The following SPATA13 variants were observed in gnomAD, a reference collection of about 807,000 sequenced individuals.
SPATA13 encodes spermatogenesis associated 13.
A neutral mutation model predicts 104.0 loss-of-function variants in SPATA13; 50 were observed. The observed-to-expected ratio is 0.48, with a 90% confidence interval of 0.38 to 0.61. The LOEUF is 0.61. Among genes scored for constraint, SPATA13 ranks in the 20% least tolerant of loss-of-function variants. The pLI is 0.00. For missense variants in SPATA13, 1,524 were observed against 1,690.6 expected, an observed-to-expected ratio of 0.90 and a Z score of 1.73; for synonymous variants, 606 against 667.5, an observed-to-expected ratio of 0.91 and a Z score of 1.42.
chr13:23,998,927 G>GATTTTTTTTTTTTTTTTTTTTT (rs144157914), intron 2 of SPATA13, among the ~76,000 whole-genome samples: 1 of 145,816 alleles, frequency 6.9e-6, no homozygotes, highest in Admixed American at 6.8e-5. Flanking sequence ...CACTAACTTT[G>GATTTTTTTTTTTTTTTTTTTTT]GTTTTTTTTT....
At position 24,277,401 on chromosome 13, in the gene SPATA13, G is replaced by A. The variant is rs941117933; in HGVS notation, c.2165-6734G>A. Among the ~76,000 whole-genome samples, 10 of 140,944 alleles carry A rather than the reference G, an allele frequency of 7.1e-5. No homozygotes were observed. The Admixed American group carries it at 7.7e-4, about 11-fold the overall frequency. The allele number at this position is 140,944 out of a possible 152,430, so 92.5% of individuals were successfully genotyped here. On this transcript the variant is annotated intron_variant, in intron 4 of 12. Transcript: ENST00000382108. ...GGAGCTTGCAGTGACCCGAGATCGC[G>A]CCATTGCACTCCAGCCTGGGCAACA...
At chr13:24,151,616 T>A (rs1882101878) in intron 3 of SPATA13, among the ~76,000 whole-genome samples, 1 of 152,150 alleles carries the variant, frequency 6.6e-6, no homozygotes, top group Non-Finnish European at 1.5e-5. Context: ...TTTTTTTCCT[T>A]TTTTTTAAGA....
chr13:24,075,892 G>T (rs1324558268), intron 3 of SPATA13, among the ~76,000 whole-genome samples: 1 of 152,150 alleles, frequency 6.6e-6, no homozygotes, highest in Non-Finnish European at 1.5e-5. Context: ...GGAGAAGAGA[G>T]ATTTCTATAG....
At chr13:24,155,551 A>G (rs1216483742) in intron 3 of SPATA13, among the ~76,000 whole-genome samples, 2 of 152,158 alleles carry the variant, frequency 1.3e-5, no homozygotes, top group African/African-American at 4.8e-5. Context: ...GATGGAGTGG[A>G]AGCTTACAGG....
At chr13:24,227,378 A>G (rs1872003946) in intron 2 of SPATA13, among the ~76,000 whole-genome samples, 2 of 152,150 alleles carry the variant, frequency 1.3e-5, no homozygotes, top group Non-Finnish European at 2.9e-5. Context: ...TGACCATTTT[A>G]TGGTTTTATA....
In SPATA13 at chr13:24,238,065, T is replaced by G. The variant is rs3927452; in HGVS notation, c.1654-11412T>G. On this transcript the variant is annotated intron_variant, in intron 2 of 12. Transcript: ENST00000382108. Reference sequence around the variant, plus strand: ...GATGTGCTGTAGGTTAAGGGCATGTTTCAAATGCTGGTATCATGGTTGATA... The same window carrying G: ...GATGTGCTGTAGGTTAAGGGCATGTGTCAAATGCTGGTATCATGGTTGATA... Among the ~76,000 whole-genome samples, 369 of 148,968 alleles carry G rather than the reference T, an allele frequency of 2.5e-3. 1 individual carries two copies. Among genetic ancestry groups the G allele is most frequent in the African/African-American group, 7.8e-3 (321 of 40,948 alleles).
At chr13:24,053,514 A>G (rs1015205955) in intron 3 of SPATA13, among the ~76,000 whole-genome samples, 2 of 152,190 alleles carry the variant, frequency 1.3e-5, no homozygotes, top group Non-Finnish European at 2.9e-5. Context: ...TTACCTGGCT[A>G]GAAGTGGGGA....
chr13:24,198,057 A>G (rs1593408403), intron 1 of SPATA13, among the ~76,000 whole-genome samples: 2 of 152,030 alleles, frequency 1.3e-5, no homozygotes, highest in South Asian at 4.1e-4. Context: ...GTGCAGTGGC[A>G]TGATCTCTGC....
chr13:24,223,863 A>G lies in SPATA13; in HGVS notation c.934A>G (p.Ile312Val), dbSNP rs1871762084. 3 of 1,551,726 alleles carry G rather than the reference A, an allele frequency of 1.9e-6. No homozygotes were observed. The highest frequency in any genetic ancestry group is 2.6e-6 in the Non-Finnish European group (3 of 1,147,002). Residue 312 changes from isoleucine (I) to valine (V), a missense_variant, in exon 2 of 13, where the codon ATA becomes GTA. Ile to Val is a conservative substitution (Grantham distance 29). Coordinates refer to ENST00000382108, the MANE Select transcript of SPATA13 (RefSeq NM_001166271.3). ...SGRTKRWRSPIRAKDFDRVFK... is the reference protein window; with the variant it reads ...SGRTKRWRSPVRAKDFDRVFK... ...AAGGACCAAACGCTGGAGGAGCCCGATAAGGGCCAAGGACTTTGACAGAGT... is the reference window on the plus strand; with the variant it reads ...AAGGACCAAACGCTGGAGGAGCCCGGTAAGGGCCAAGGACTTTGACAGAGT...
chr13:24,237,639 ACTTAAT>A (rs1222216486), intron 2 of SPATA13, among the ~76,000 whole-genome samples: 3 of 152,068 alleles, frequency 2.0e-5, no homozygotes, highest in Non-Finnish European at 4.4e-5. Flanking sequence ...GTGTGAATGT[ACTTAAT>A]CCCACTGACT....
chr13:24,199,268 C>T (rs1356194557), intron 1 of SPATA13, among the ~76,000 whole-genome samples: 1 of 152,164 alleles, frequency 6.6e-6, no homozygotes, highest in Non-Finnish European at 1.5e-5. Flanking sequence ...CCATGTTTGC[C>T]AGCCGCTGAG....
intron 2 of SPATA13, among the ~76,000 whole-genome samples, chr13:24,016,669 G>C (rs1876726663): frequency 6.6e-6 from 1 of 152,224 alleles, no homozygotes; most frequent in Non-Finnish European, 1.5e-5. Context: ...CTGGCTCTCA[G>C]TTTCCTGAGC....
At chr13:24,170,573 G>T (rs1199011586) in intron 1 of SPATA13, among the ~76,000 whole-genome samples, 2 of 152,136 alleles carry the variant, frequency 1.3e-5, no homozygotes, top group Non-Finnish European at 1.5e-5. Flanking sequence ...CATCCCCTCT[G>T]CAGAGTACAT....
chr13:24,110,128 C>A (rs376375893), intron 3 of SPATA13, among the ~76,000 whole-genome samples: 11 of 151,470 alleles, frequency 7.3e-5, no homozygotes, highest in African/African-American at 2.4e-4. Flanking sequence ...TAAATAATGG[C>A]ACTTTGTTTC....
intron 1 of SPATA13, among the ~76,000 whole-genome samples, chr13:24,182,483 TGAGAGAGAGACA>T (rs1472910755): frequency 2.7e-5 from 3 of 111,874 alleles, no homozygotes; most frequent in African/African-American, 7.8e-5. Flanking sequence ...AGAGAGGAAG[TGAGAGAGAGACA>T]GAGAGAGAGA....
At chr13:24,047,787 C>T (rs1878203299) in intron 3 of SPATA13, among the ~76,000 whole-genome samples, 1 of 152,186 alleles carries the variant, frequency 6.6e-6, no homozygotes, top group African/African-American at 2.4e-5. Context: ...TGGAAAGAGA[C>T]TTATGATGAG....
At chr13:24,265,518 A>G (rs985246289) in intron 4 of SPATA13, among the ~76,000 whole-genome samples, 2 of 152,234 alleles carry the variant, frequency 1.3e-5, no homozygotes, top group African/African-American at 4.8e-5. Flanking sequence ...CCAACTTTAG[A>G]AAGTGCAGCC....
intron 2 of SPATA13, among the ~76,000 whole-genome samples, chr13:24,231,390 A>G (rs1872265471): frequency 6.6e-6 from 1 of 152,176 alleles, no homozygotes; most frequent in Non-Finnish European, 1.5e-5. Flanking sequence ...TCACTGAGCA[A>G]AACCTTGTTT....
intron 2 of SPATA13, among the ~76,000 whole-genome samples, chr13:24,237,212 T>C (rs1288541156): frequency 6.6e-6 from 1 of 151,680 alleles, no homozygotes; most frequent in Non-Finnish European, 1.5e-5. Flanking sequence ...AAAAAATTAG[T>C]TGGGCATAAT....
Sources: gnomAD v4.1 joint callset for allele counts (sites outside exome capture counted in the v4.1 genomes callset) on GRCh38, gnomAD v4.1.1 for gene constraint, MANE v1.5 for transcripts, NCBI Gene and HGNC (gene_info 2026-07-23, HGNC 2026-07-21) for gene names.